The following LCTL variants were observed in gnomAD, a reference collection of about 807,000 sequenced individuals.
LCTL encodes the protein lactase-like protein.
A neutral mutation model predicts 75.8 loss-of-function variants in LCTL; 76 were observed. That is an observed-to-expected ratio of 1.00 (90% CI 0.83 to 1.21). LCTL has a LOEUF of 1.21. LCTL is among the 50% of genes most tolerant of loss of function. LCTL has a pLI of 0.00. For missense variants in LCTL, 670 were observed against 712.4 expected, an observed-to-expected ratio of 0.94 and a Z score of 0.68; for synonymous variants, 271 against 268.8, an observed-to-expected ratio of 1.01 and a Z score of -0.08.
chr15:66,554,346 C>T lies in LCTL; in HGVS notation c.923-1088G>A, dbSNP rs370559173. Among the ~76,000 whole-genome samples, 12 of 150,120 alleles carry T rather than the reference C, an allele frequency of 8.0e-5. No individual in the cohort carries two copies. In the East Asian group the frequency reaches 2.4e-3, roughly 29 times the overall value. ...TGGTGGTGGGCATCTGTAATCCCAG[C>T]TACTCGGGAAGCTGAGGCAGGAGAA... On this transcript the variant is annotated intron_variant, in intron 8 of 12. Coordinates refer to ENST00000341509, the Ensembl canonical transcript of LCTL.
chr15:66,564,645 GCACA>G (rs566749454), intron 2 of LCTL, 27 bp downstream of exon 3: 17 of 1,577,612 alleles, frequency 1.1e-5, no homozygotes, highest in South Asian at 1.1e-5. Flanking sequence ...GCACGCGCGC[GCACA>G]CACACACACT....
intron 8 of LCTL, among the ~76,000 whole-genome samples, chr15:66,556,477 G>C (rs1895741630): frequency 6.6e-6 from 1 of 152,088 alleles, no homozygotes; most frequent in Non-Finnish European, 1.5e-5. Context: ...GCTAACTTTT[G>C]TACTTTTAGT....
chr15:66,554,352 G>A (rs1232210922), intron 8 of LCTL, among the ~76,000 whole-genome samples: 12 of 151,184 alleles, frequency 7.9e-5, no homozygotes, highest in Non-Finnish European at 1.3e-4. Flanking sequence ...CCAGCTACTC[G>A]GGAAGCTGAG....
At chr15:66,556,134 A>T (rs1422852925) in intron 8 of LCTL, among the ~76,000 whole-genome samples, 2 of 152,186 alleles carry the variant, frequency 1.3e-5, no homozygotes, top group Admixed American at 1.3e-4. Context: ...TTTTCATATG[A>T]CCCAGCAATT....
At chr15:66,557,812 C>A in exon 8 of LCTL, 1 of 1,614,144 alleles carries the variant, frequency 6.2e-7, no homozygotes, top group Non-Finnish European at 8.5e-7. Flanking sequence ...CTCTCGGCAG[C>A]CTCTAGGTCC....
intron 8 of LCTL, among the ~76,000 whole-genome samples, chr15:66,554,288 C>CAAAAA (rs547806774): frequency 9.2e-5 from 4 of 43,414 alleles, no homozygotes; most frequent in Non-Finnish European, 2.0e-4. Flanking sequence ...AAGACTGTCT[C>CAAAAA]AAAAAAAAAA....
At chr15:66,551,602 G>A (rs1895601758) in intron 11 of LCTL, 60 bp downstream of exon 12, 1 of 1,384,704 alleles carries the variant, frequency 7.2e-7, no homozygotes, top group Non-Finnish European at 1.0e-6. Flanking sequence ...TTCTTTGTGT[G>A]TTCCAGCTAT....
chr15:66,564,645 G>A (rs77223596), intron 2 of LCTL, 31 bp downstream of exon 3: 73,745 of 1,576,700 alleles, frequency 0.047, 1,570 homozygotes, highest in African/African-American at 0.078. Context: ...GCACGCGCGC[G>A]CACACACACA....
chr15:66,563,941 A>C (rs748997891), exon 3 of LCTL: 1 of 1,614,168 alleles, frequency 6.2e-7, no homozygotes, highest in East Asian at 2.2e-5. Context: ...AGCCGGGGCC[A>C]AGACAGGGAG....
chr15:66,561,204 T>C lies in LCTL; in HGVS notation c.592A>G (p.Thr198Ala), dbSNP rs762833423. 3 of 1,614,214 alleles carry C rather than the reference T, an allele frequency of 1.9e-6. No homozygotes were observed. Among genetic ancestry groups the C allele is most frequent in the African/African-American group, 2.7e-5 (2 of 75,058 alleles). The change falls in exon 5 of 13, where the codon ACG becomes GCG. Residue 198 changes from threonine (T) to alanine (A), a missense_variant. Coordinates refer to ENST00000341509, the Ensembl canonical transcript of LCTL. ...CTGCTTACCCGAGGATCACTGAACG[T>C]GATCCAGTGCTTCACACGGTCCCCA...
intron 2 of LCTL, 157 bp downstream of exon 3, chr15:66,564,519 C>G (rs1475320728): frequency 9.7e-6 from 8 of 826,140 alleles, no homozygotes; most frequent in South Asian, 7.4e-5. Flanking sequence ...GGCCCTGCCC[C>G]CTCTGGCTGC....
At chr15:66,550,941 A>G (rs1208877000) in intron 11 of LCTL, among the ~76,000 whole-genome samples, 2 of 152,192 alleles carry the variant, frequency 1.3e-5, no homozygotes, top group Non-Finnish European at 2.9e-5. Context: ...GTGTGTGTGT[A>G]TGGCTCTGCT....
chr15:66,552,148 TGGGA>T lies in LCTL; in HGVS notation c.1215_1218del (p.Pro406TyrfsTer3). Reference sequence around the variant, plus strand: ...GATGCTCCATTTTCCATCACATATATGGGAGGATCACCGTATTGAGTCTGAAAGT... The same window carrying T: ...GATGCTCCATTTTCCATCACATATATGGATCACCGTATTGAGTCTGAAAGT... On this transcript the variant is annotated frameshift_variant, in exon 10 of 13. Transcript: ENST00000341509. LOFTEE classifies it high-confidence loss of function. The T allele has an allele frequency of 6.2e-7, 1 of 1,612,792 alleles. No homozygotes were observed. The highest frequency in any genetic ancestry group is 8.5e-7 in the Non-Finnish European group (1 of 1,179,752).
intron 5 of LCTL, 37 bp from the exon 7 acceptor site, chr15:66,561,138 G>T: frequency 1.9e-6 from 3 of 1,614,178 alleles, no homozygotes; most frequent in Non-Finnish European, 2.5e-6. Flanking sequence ...GGATCCATAA[G>T]AAGTGGCAGG....
chr15:66,563,667 G>A (rs376199747), intron 3 of LCTL, 42 bp from the exon 5 acceptor site: 27 of 1,386,138 alleles, frequency 1.9e-5, no homozygotes, highest in African/African-American at 8.5e-5. Context: ...AAAGGACCTC[G>A]GCCTTGGCCT....
At chr15:66,553,368 C>T in intron 8 of LCTL, 110 bp from the exon 10 acceptor site, 1 of 922,642 alleles carries the variant, frequency 1.1e-6, no homozygotes, top group South Asian at 2.4e-5. Context: ...CTTTAGGATT[C>T]ATTTGCATGG....
rs1895956592 is a variant in LCTL, at chr15:66,563,911, C to G, written c.370G>C (p.Ala124Pro). The change falls in exon 3 of 13, where the codon GCC (alanine) becomes CCC (proline). Residue 124 changes from alanine to proline, a missense_variant and splice_region_variant. By Grantham distance (27) the Ala-to-Pro change is conservative. Transcript: ENST00000341509. Reference sequence around the variant, plus strand: ...TTCAAGAGGGGCTTCCCTAGCTCACCTCGGATGCCTGTGGGCAGGAGCCGG... The same window carrying G: ...TTCAAGAGGGGCTTCCCTAGCTCACGTCGGATGCCTGTGGGCAGGAGCCGG... 2.5e-6 allele frequency: 4 copies of G among 1,613,510 alleles called. No homozygotes were observed. The African/African-American group carries it at 4.0e-5, about 16-fold the overall frequency.
intron 1 of LCTL, among the ~76,000 whole-genome samples, 171 bp from the exon 3 acceptor site, chr15:66,565,010 A>G (rs1347761155): frequency 6.6e-6 from 1 of 152,174 alleles, no homozygotes; most frequent in Non-Finnish European, 1.5e-5. Flanking sequence ...ACGGTAGGGG[A>G]AGATATATTA....
intron 2 of LCTL, chr15:66,564,243 A>G: frequency 1.8e-6 from 1 of 557,118 alleles, no homozygotes; most frequent in Non-Finnish European, 3.2e-6. Flanking sequence ...TGCCCCTAGT[A>G]AACCTGGGTG....
Sources: allele counts gnomAD v4.1 joint callset (sites outside exome capture counted in the v4.1 genomes callset), GRCh38; gene constraint gnomAD v4.1.1; transcripts MANE v1.5; gene names NCBI Gene and HGNC (gene_info 2026-07-23, HGNC 2026-07-21).